ATG2A: variants seen among roughly 807,000 people sequenced by gnomAD.
ATG2A encodes autophagy-related protein 2 homolog A.
ATG2A carries 103 observed loss-of-function variants against 214.2 expected under a neutral mutation model. The ratio of observed to expected loss-of-function variants is 0.48; its 90% confidence interval spans 0.41 to 0.57. The LOEUF is 0.57. ATG2A is among the 20% of genes least tolerant of loss of function. The probability of loss-of-function intolerance (pLI) is 0.00; values close to 1 mark genes in which losing one functional copy is unlikely to be tolerated. For missense variants in ATG2A, 2,312 were observed against 2,613.2 expected (o/e 0.88, Z 2.51); for synonymous variants, 1,160 against 1,142.1 (o/e 1.02, Z -0.32).
In ATG2A at chr11:64,897,655, C is replaced by T. The variant is rs866683888; in HGVS notation, c.5067+16G>A. 12 of 1,614,050 alleles carry T rather than the reference C, an allele frequency of 7.4e-6. No individual in the cohort carries two copies. In the Middle Eastern group the frequency reaches 6.6e-4, roughly 88 times the overall value. On this transcript the variant is annotated intron_variant, in intron 36 of 40. Transcript: ENST00000377264. ...GCTGACCCCACATGGCCACCCCATCCGACCGCCCCACTTACCACCTGGTCC... is the reference window on the plus strand; with the variant it reads ...GCTGACCCCACATGGCCACCCCATCTGACCGCCCCACTTACCACCTGGTCC...
At chr11:64,916,662 A>G (rs1046845530) in intron 1 of ATG2A, among the ~76,000 whole-genome samples, 6 of 151,672 alleles carry the variant, frequency 4.0e-5, no homozygotes, top group Non-Finnish European at 8.8e-5. Flanking sequence ...CCGAGAGCCA[A>G]CCTCCTTAAC....
chr11:64,906,267 G>T (rs1944545478), intron 21 of ATG2A, 67 bp downstream of exon 21: 1 of 1,606,580 alleles, frequency 6.2e-7, no homozygotes, highest in Non-Finnish European at 8.5e-7. Context: ...CGCGCACTGG[G>T]GTCCCACCGC....
intron 1 of ATG2A, 79 bp downstream of exon 1, chr11:64,916,886 C>A: frequency 1.3e-6 from 2 of 1,565,938 alleles, no homozygotes; most frequent in Non-Finnish European, 1.7e-6. Flanking sequence ...GATCCCCCAG[C>A]CCGATCCTGC....
chr11:64,914,492 G>C lies in ATG2A; in HGVS notation c.180C>G (p.Asn60Lys). The part of the protein sequence containing the change: ...RDIHLEIWSV[N>K]EVLESMESPL... ...GTGACTCCATTGACTCCAGCACCTC[G>C]TTCACAGACTGGGAGCAAGCAAGAG... is the stretch of plus-strand genomic sequence containing the variant. The change falls in exon 2 of 41, where the codon AAC becomes AAG. Residue 60 changes from asparagine to lysine, a missense_variant. Physicochemically the swap from Asn to Lys is moderately conservative, Grantham distance 94. Coordinates refer to ENST00000377264, the MANE Select transcript of ATG2A (RefSeq NM_015104.3). 2 of 1,612,358 alleles carry C rather than the reference G, an allele frequency of 1.2e-6. No homozygotes were observed. The highest frequency in any genetic ancestry group is 2.2e-5 in the South Asian group (2 of 90,910).
chr11:64,908,553 AAAAAAAAAG>A (rs1944642155), intron 16 of ATG2A, among the ~76,000 whole-genome samples: 1 of 151,210 alleles, frequency 6.6e-6, no homozygotes, highest in African/African-American at 2.4e-5. Context: ...CTCTATCTCA[AAAAAAAAAG>A]AAAAAAAAAG....
rs1183267456 is a variant in ATG2A, at chr11:64,913,497, G to T, written c.591-96C>A. On this transcript the variant is annotated intron_variant, in intron 4 of 40. Coordinates refer to ENST00000377264, the MANE Select transcript of ATG2A (RefSeq NM_015104.3). The surrounding 1 kb of genome is among the most constrained non-coding windows in gnomAD (Gnocchi z 4.3). ...TGCTCTAGGGGCACGGGGTCAGGGA[G>T]CCTAGCCTGCAGAGCTGCCCCATCA... is the stretch of plus-strand genomic sequence containing the variant. The T allele has an allele frequency of 7.1e-7, 1 of 1,414,352 alleles. No homozygotes were observed. The highest frequency in any genetic ancestry group is 1.4e-5 in the African/African-American group (1 of 69,700). 87.6% of individuals were successfully genotyped at this position (1,414,352 alleles called of 1,614,324 possible). A position where few individuals can be genotyped will look rare whatever the true frequency, so the allele number is the denominator to read the frequency against.
chr11:64,911,849 G>A lies in ATG2A; in HGVS notation c.1221C>T (p.His407=). 1 of 1,612,936 alleles carries A rather than the reference G, an allele frequency of 6.2e-7. No homozygotes were observed. The highest frequency in any genetic ancestry group is 8.5e-7 in the Non-Finnish European group (1 of 1,179,924). The change falls in exon 9 of 41, where the codon CAC becomes CAT. Residue 407 remains histidine, a synonymous_variant. Coordinates refer to ENST00000377264, the MANE Select transcript of ATG2A (RefSeq NM_015104.3). ...MASRRLSAQA[H]PAGKMAPNPL... ...CAGGGTGCTCCAACTCACCAGCTGGGTGGGCCTGGGCAGAGAGCCGGCGGG... is the reference window on the plus strand; with the variant it reads ...CAGGGTGCTCCAACTCACCAGCTGGATGGGCCTGGGCAGAGAGCCGGCGGG...
At chr11:64,909,219 C>T (rs1361420918) in intron 15 of ATG2A, 52 bp downstream of exon 15, 1 of 1,610,344 alleles carries the variant, frequency 6.2e-7, no homozygotes, top group Non-Finnish European at 8.5e-7. Flanking sequence ...GGCCCCCTGC[C>T]ACCCCCAGCA....
Position 64,901,021 on chromosome 11 carries a change from T to TGAGAA in ATG2A, c.4186_4190dup (p.Arg1398SerfsTer91). On this transcript the variant is annotated frameshift_variant, in exon 30 of 41. Transcript: ENST00000377264. LOFTEE classifies it high-confidence loss of function. The stretch of plus-strand genomic sequence containing the variant: ...GCAAGTCCGTGCTGCCGATCGGCCG[T>TGAGAA]GAGAAGTAACCGTCCCTCACAACGA... The TGAGAA allele has an allele frequency of 6.3e-7, 1 of 1,590,400 alleles. No individual in the cohort carries two copies. Among genetic ancestry groups the TGAGAA allele is most frequent in the Non-Finnish European group, 8.6e-7 (1 of 1,168,452 alleles).
rs112940913 is a variant in ATG2A at position 64,909,137 on chromosome 11, C to T, written c.2218G>A (p.Val740Met). The change falls in exon 16 of 41, where the codon GTG becomes ATG. Residue 740 changes from valine (V) to methionine (M), a missense_variant. Transcript: ENST00000377264. Reference sequence around the variant, plus strand: ...TGTGTGCTGCTGGACTGGGGGTTCACAGTCACCACTACCCTGCCGGGGCAC... The same window carrying T: ...TGTGTGCTGCTGGACTGGGGGTTCATAGTCACCACTACCCTGCCGGGGCAC... ...KYFLPQVVVT[V>M]NPQSSSTQWE... 6.8e-6 allele frequency: 11 copies of T among 1,610,336 alleles called. No homozygotes were observed. The highest frequency in any genetic ancestry group is 4.0e-5 in the African/African-American group (3 of 75,026).
intron 31 of ATG2A, among the ~76,000 whole-genome samples, chr11:64,899,650 C>T (rs1013521640): frequency 4.6e-5 from 7 of 152,144 alleles, no homozygotes; most frequent in African/African-American, 1.7e-4. Context: ...ACCCCATCCG[C>T]AGCTGAACCT....
rs1016900151 is a variant in ATG2A at position 64,903,826 on chromosome 11, G to A, written c.3465-166C>T. On this transcript the variant is annotated intron_variant, in intron 24 of 40. Transcript: ENST00000377264. This position sits in a 1 kb window ranked among gnomAD's most constrained non-coding sequence, Gnocchi z 4.2. ...GGAGAAGGCCCAGACAGCAGGCAGTGGGAAGCGGGCAGCACTTGCAGCTCT... is the reference window on the plus strand; with the variant it reads ...GGAGAAGGCCCAGACAGCAGGCAGTAGGAAGCGGGCAGCACTTGCAGCTCT... Among the ~76,000 whole-genome samples, 8 of 152,256 alleles carry A rather than the reference G, an allele frequency of 5.3e-5. No individual in the cohort carries two copies. The highest frequency in any genetic ancestry group is 1.0e-4 in the Non-Finnish European group (7 of 68,048).
chr11:64,901,889 C>A, intron 29 of ATG2A, 73 bp downstream of exon 29: 2 of 1,552,608 alleles, frequency 1.3e-6, no homozygotes, highest in Non-Finnish European at 1.8e-6. Flanking sequence ...AGGCAACCAC[C>A]CCTGAGTGTT....
chr11:64,911,730 T>G, intron 9 of ATG2A, 112 bp downstream of exon 9: 1 of 1,441,026 alleles, frequency 6.9e-7, no homozygotes, highest in Non-Finnish European at 9.4e-7. Context: ...TCACAGATGG[T>G]AGATATCCAG....
At chr11:64,905,709 C>T (rs754667024) in intron 23 of ATG2A, 33 bp downstream of exon 23, 48 of 1,613,560 alleles carry the variant, frequency 3.0e-5, no homozygotes, top group Non-Finnish European at 3.7e-5. Context: ...AGCCCATCCC[C>T]GTCCCCAGCC....
intron 14 of ATG2A, 85 bp from the exon 15 acceptor site, chr11:64,909,452 GCC>G: frequency 6.9e-7 from 1 of 1,455,754 alleles, no homozygotes; most frequent in South Asian, 1.2e-5. Flanking sequence ...TCAGAGCTGT[GCC>G]CCCGACTCCA....
rs1047375546 is a variant in ATG2A at position 64,895,825 on chromosome 11, CTTCT to C, written c.5428-387_5428-384del. Among the ~76,000 whole-genome samples the C allele has an allele frequency of 6.6e-5, 10 of 152,152 alleles. No homozygotes were observed. The highest frequency in any genetic ancestry group is 1.7e-4 in the African/African-American group (7 of 41,414). ...CCAGATGGTCAGAGGCCCATCCTTC[CTTCT>C]GTCTGCCAGATCCTCTGCCCAGCAT... On this transcript the variant is annotated intron_variant, in intron 39 of 40. Transcript: ENST00000377264. The surrounding 1 kb of genome is among the most constrained non-coding windows in gnomAD (Gnocchi z 5.0).
chr11:64,909,586 C>A, intron 14 of ATG2A, 95 bp downstream of exon 14: 1 of 1,554,236 alleles, frequency 6.4e-7, no homozygotes, highest in Non-Finnish European at 8.7e-7. Context: ...CCAGGGACTG[C>A]TCGGGTTGTG....
chr11:64,912,288 T>TGCCCCCCC, intron 7 of ATG2A, 39 bp from the exon 8 acceptor site: 9 of 1,470,826 alleles, frequency 6.1e-6, no homozygotes, highest in Non-Finnish European at 6.6e-6. Flanking sequence ...TGGCTGGCCC[T>TGCCCCCCC]CCCAGCCACC....
Sources: allele counts gnomAD v4.1 joint callset (sites outside exome capture counted in the v4.1 genomes callset), GRCh38; gene constraint gnomAD v4.1.1; non-coding constraint Gnocchi (gnomAD v3.1); transcripts MANE v1.5; gene names NCBI Gene and HGNC (gene_info 2026-07-23, HGNC 2026-07-21).